Variants in ANXA11 observed in about 807,000 individuals in gnomAD.
The protein encoded by ANXA11 is annexin A11.
A neutral mutation model predicts 64.7 loss-of-function variants in ANXA11; 57 were observed. The ratio of observed to expected loss-of-function variants is 0.88; its 90% CI spans 0.71 to 1.10. The LOEUF (loss-of-function observed/expected upper bound fraction) is 1.10. Among genes scored for constraint, ANXA11 ranks in the 50% least tolerant of loss-of-function variants. The probability of loss-of-function intolerance (pLI) is 0.00; values close to 1 mark genes in which losing one functional copy is unlikely to be tolerated. For synonymous variants in ANXA11, 260 were observed against 265.2 expected (o/e 0.98, Z 0.19); for missense variants, 675 against 670.7 (o/e 1.01, Z -0.07).
chr10:80,200,933 G>A (rs1317422534), intron 1 of ANXA11, among the ~76,000 whole-genome samples: 1 of 152,166 alleles, frequency 6.6e-6, no homozygotes, highest in African/African-American at 2.4e-5. Flanking sequence ...ACCTAGGTCT[G>A]CCTGAGCACG....
At chr10:80,164,732 C>T (rs138992807) in intron 8 of ANXA11, among the ~76,000 whole-genome samples, 1 of 152,146 alleles carries the variant, frequency 6.6e-6, no homozygotes, top group Non-Finnish European at 1.5e-5. Flanking sequence ...TGTGTGACCT[C>T]GGGCACATTA....
At chr10:80,159,623 C>T (rs946937222) in intron 12 of ANXA11, among the ~76,000 whole-genome samples, 1 of 152,130 alleles carries the variant, frequency 6.6e-6, no homozygotes, top group Non-Finnish European at 1.5e-5. Flanking sequence ...GCCTCTGCCC[C>T]AAAATCTCCC....
rs141456938 is a variant in ANXA11, at chr10:80,162,017, C to A, written c.1098G>T (p.Ala366=). 2.5e-6 allele frequency: 4 copies of A among 1,611,024 alleles called. No individual in the cohort carries two copies. Among genetic ancestry groups the A allele is most frequent in the Non-Finnish European group, 3.4e-6 (4 of 1,179,648 alleles). Residue 366 remains alanine, a synonymous_variant, in exon 12 of 16, where the codon GCG becomes GCT. Transcript: ENST00000422982. ...LAQRDAQELY[A]AGENRLGTDE... is the part of the protein sequence containing the mutation. ...CTGTTCCCAGGCGGTTCTCCCCGGCCGCATACAGCTCCTGGAGAGAGAGGA... is the reference window on the plus strand; with the variant it reads ...CTGTTCCCAGGCGGTTCTCCCCGGCAGCATACAGCTCCTGGAGAGAGAGGA...
chr10:80,174,856 C>A (rs1461105867), intron 2 of ANXA11, among the ~76,000 whole-genome samples: 2 of 152,226 alleles, frequency 1.3e-5, no homozygotes, highest in Admixed American at 1.3e-4. Context: ...TGTGCCCAGC[C>A]TACATGCTGT....
chr10:80,157,606 A>G (rs369428921), intron 15 of ANXA11, 35 bp downstream of exon 15: 2 of 1,600,648 alleles, frequency 1.2e-6, no homozygotes, highest in African/African-American at 1.3e-5. Context: ...TGAGATGCCA[A>G]AAGGGAGCCC....
At chr10:80,185,199 T>C (rs940495804) in intron 1 of ANXA11, among the ~76,000 whole-genome samples, 1 of 152,206 alleles carries the variant, frequency 6.6e-6, no homozygotes, top group Non-Finnish European at 1.5e-5. Flanking sequence ...TATAAGTCTG[T>C]TTGCTTCTGA....
At chr10:80,191,611 G>A (rs1846779197) in intron 1 of ANXA11, among the ~76,000 whole-genome samples, 1 of 151,928 alleles carries the variant, frequency 6.6e-6, no homozygotes, top group Non-Finnish European at 1.5e-5. Flanking sequence ...CCTTTCCAAC[G>A]GCACAAGGAG....
At chr10:80,205,674 G>A (rs1840650754), upstream of ANXA11, 1 of 152,182 alleles carries the variant, frequency 6.6e-6, no homozygotes. Flanking sequence ...AGCTGCTCCA[G>A]GAAGTCTCGG....
At chr10:80,165,133 G>A (rs980982495) in intron 8 of ANXA11, among the ~76,000 whole-genome samples, 1 of 152,170 alleles carries the variant, frequency 6.6e-6, no homozygotes, top group African/African-American at 2.4e-5. Flanking sequence ...CCGGGCCATC[G>A]CCCTGCCTGA....
intron 1 of ANXA11, among the ~76,000 whole-genome samples, chr10:80,184,552 G>C (rs935557911): frequency 2.0e-5 from 3 of 152,096 alleles, no homozygotes; most frequent in African/African-American, 7.2e-5. Context: ...GAGAGACAGA[G>C]AGTGTGTTTA....
At chr10:80,170,960 C>G in intron 3 of ANXA11, 45 bp from the exon 4 acceptor site, 1 of 1,555,694 alleles carries the variant, frequency 6.4e-7, no homozygotes, top group South Asian at 1.2e-5. Flanking sequence ...AGTCCCCCAC[C>G]ACACGGGGAA....
At chr10:80,171,102 G>A in intron 3 of ANXA11, 187 bp from the exon 4 acceptor site, 1 of 1,508,346 alleles carries the variant, frequency 6.6e-7, no homozygotes, top group Non-Finnish European at 8.8e-7. Context: ...TGGCAGAGGA[G>A]GGGAAACCTT....
intron 5 of ANXA11, 30 bp from the exon 6 acceptor site, chr10:80,167,343 G>A: frequency 1.2e-6 from 2 of 1,600,070 alleles, no homozygotes; most frequent in East Asian, 2.2e-5. Context: ...CAGGTAAGAT[G>A]TCGTGCATGC....
Position 80,152,448 on chromosome 10 carries a change from G to A in ANXA11, c.*3405C>T, listed in dbSNP as rs551676606. 9.2e-5 allele frequency: 14 copies of A among 152,600 alleles called. No individual in the cohort carries two copies. Among genetic ancestry groups the A allele is most frequent in the African/African-American group, 3.4e-4 (14 of 41,578 alleles). The allele number at this position is 152,600 out of a possible 1,614,324, so 9.5% of individuals were successfully genotyped here. On this transcript the variant is annotated 3_prime_UTR_variant, in exon 16 of 16. Transcript: ENST00000422982. The stretch of plus-strand genomic sequence containing the variant: ...TCTTGGGAGTGACCATGAGGGCAGC[G>A]AGAGGAACAGGAAGGCAGGGAGAAA...
chr10:80,159,260 A>G, intron 12 of ANXA11, 65 bp from the exon 13 acceptor site: 3 of 1,315,278 alleles, frequency 2.3e-6, no homozygotes, highest in Non-Finnish European at 3.3e-6. Context: ...CATATGTGGA[A>G]GTCCCAACTC....
chr10:80,179,722 C>T lies in ANXA11; in HGVS notation c.-57-3567G>A, dbSNP rs553991736. 1.1e-3 allele frequency among the ~76,000 whole-genome samples: 170 copies of T among 152,314 alleles called. No individual in the cohort carries two copies. In the Middle Eastern group the frequency reaches 0.017, roughly 15 times the overall value. Reference sequence around the variant, plus strand: ...ATACAGGAGATCAAGGCCCTTTGTTCTGCGTTAAATGAAGGTTGCCAGGTG... The same window carrying T: ...ATACAGGAGATCAAGGCCCTTTGTTTTGCGTTAAATGAAGGTTGCCAGGTG... On this transcript the variant is annotated intron_variant, in intron 1 of 15. Transcript: ENST00000422982.
At chr10:80,177,068 C>A (rs1846196958) in intron 1 of ANXA11, among the ~76,000 whole-genome samples, 1 of 151,942 alleles carries the variant, frequency 6.6e-6, no homozygotes, top group Non-Finnish European at 1.5e-5. Flanking sequence ...CAACCTCCAC[C>A]TCCTCGGTGC....
intron 1 of ANXA11, among the ~76,000 whole-genome samples, chr10:80,204,116 C>T (rs77832545): frequency 0.02 from 3,016 of 152,276 alleles, 110 homozygotes; most frequent in African/African-American, 0.069. Flanking sequence ...ATTACTATTA[C>T]CCCCATTTTA....
chr10:80,178,210 GC>G (rs1846237017), intron 1 of ANXA11, among the ~76,000 whole-genome samples: 14 of 149,168 alleles, frequency 9.4e-5, no homozygotes, highest in Admixed American at 9.3e-4. Flanking sequence ...CAGAAGATCT[GC>G]TCTCTCTCTC....
Sources: allele counts gnomAD v4.1 joint callset (sites outside exome capture counted in the v4.1 genomes callset), GRCh38; gene constraint gnomAD v4.1.1; transcripts MANE v1.5; gene names NCBI Gene and HGNC (gene_info 2026-07-23, HGNC 2026-07-21).